RNF138: variants seen among roughly 807,000 people sequenced by gnomAD.
RNF138 encodes the protein ring finger protein 138, also known as E3 ubiquitin-protein ligase RNF138.
RNF138 carries 12 observed loss-of-function variants against 31.0 expected under a neutral mutation model. That is an observed-to-expected ratio of 0.39 (90% CI 0.25 to 0.63). RNF138 has a LOEUF of 0.63. Ranked by LOEUF, RNF138 falls within the 20% of genes least tolerant of loss-of-function variation. RNF138 has a pLI of 0.52. For synonymous variants in RNF138, 105 were observed against 99.5 expected (o/e 1.06, Z -0.33); for missense variants, 192 against 300.1 (o/e 0.64, Z 2.66).
At chr18:32,106,543 T>C (rs1021940681) in intron 2 of RNF138, among the ~76,000 whole-genome samples, 14 of 148,644 alleles carry the variant, frequency 9.4e-5, no homozygotes, top group African/African-American at 3.5e-4. Flanking sequence ...TTATTTTTTA[T>C]TTTATTTTAT....
intron 4 of RNF138, among the ~76,000 whole-genome samples, chr18:32,117,071 T>C (rs993578953): frequency 2.7e-5 from 4 of 150,906 alleles, no homozygotes; most frequent in Admixed American, 6.6e-5. Context: ...CCAACTAATT[T>C]TTGTATTTTT....
intron 4 of RNF138, among the ~76,000 whole-genome samples, chr18:32,120,147 T>C (rs2040280048): frequency 6.6e-6 from 1 of 152,168 alleles, no homozygotes; most frequent in South Asian, 2.1e-4. Context: ...AATACACCTA[T>C]AATATTACAA....
In RNF138 at chr18:32,103,955, A is replaced by G. The variant is rs143919793; in HGVS notation, c.111-7799A>G. 9.5e-3 allele frequency among the ~76,000 whole-genome samples: 1,430 copies of G among 150,052 alleles called. 22 individuals carry two copies. The highest frequency in any genetic ancestry group is 0.033 in the African/African-American group (1,331 of 40,780). On this transcript the variant is annotated intron_variant, in intron 2 of 7. Coordinates refer to ENST00000261593, the MANE Select transcript of RNF138 (RefSeq NM_016271.5). ...ACTCCAGCCTGGGCGACAGAGCAAG[A>G]CTCCGTCTCAGAAAAAAAAAAGAAA...
intron 3 of RNF138, among the ~76,000 whole-genome samples, chr18:32,113,496 G>A (rs1473860957): frequency 6.6e-6 from 1 of 152,154 alleles, no homozygotes; most frequent in Non-Finnish European, 1.5e-5. Flanking sequence ...CTTTTCAAGT[G>A]TGAAGTTATT....
At chr18:32,128,012 A>G (rs904990108) in intron 7 of RNF138, among the ~76,000 whole-genome samples, 1 of 152,192 alleles carries the variant, frequency 6.6e-6, no homozygotes, top group African/African-American at 2.4e-5. Context: ...CCCGGGAGGC[A>G]GAGCTTGCAG....
intron 2 of RNF138, among the ~76,000 whole-genome samples, chr18:32,096,217 T>A (rs1377640731): frequency 6.6e-6 from 1 of 152,222 alleles, no homozygotes; most frequent in Non-Finnish European, 1.5e-5. Context: ...GGGAGCAGCG[T>A]GGTCACATTT....
At chr18:32,097,456 T>C (rs1175509111) in intron 2 of RNF138, among the ~76,000 whole-genome samples, 3 of 152,198 alleles carry the variant, frequency 2.0e-5, no homozygotes, top group Non-Finnish European at 4.4e-5. Flanking sequence ...TCATATTTAC[T>C]TTTTTTAATC....
chr18:32,094,606 A>G (rs4799630), intron 2 of RNF138, among the ~76,000 whole-genome samples: 25,460 of 151,830 alleles, frequency 0.17, 2,221 homozygotes, highest in South Asian at 0.2. Flanking sequence ...CCCATCTGAC[A>G]TGAAAAAAAA....
At position 32,128,885 on chromosome 18, in the gene RNF138, C is replaced by A. The variant is rs537508472; in HGVS notation, c.670-234C>A. ...AAATTTTGTTCTGTGATGATCCTCT[C>A]TGTTTGTTTGTTATTCTTGAACAGT... On this transcript the variant is annotated intron_variant, in intron 7 of 7. Transcript: ENST00000261593. Among the ~76,000 whole-genome samples, 18 of 152,164 alleles carry A rather than the reference C, an allele frequency of 1.2e-4. No homozygotes were observed. The East Asian group carries it at 3.5e-3, about 29-fold the overall frequency.
chr18:32,104,810 A>G (rs1047160569), intron 2 of RNF138, among the ~76,000 whole-genome samples: 8 of 152,188 alleles, frequency 5.3e-5, no homozygotes, highest in African/African-American at 9.6e-5. Context: ...TAAGGTATCA[A>G]TTTTCTCCAC....
intron 3 of RNF138, among the ~76,000 whole-genome samples, chr18:32,112,624 G>A (rs2040150449): frequency 6.6e-6 from 1 of 152,234 alleles, no homozygotes; most frequent in African/African-American, 2.4e-5. Context: ...AGAGGTTGCG[G>A]TGAGCTGAGA....
At chr18:32,125,574 TATCA>T (rs1378909350) in intron 6 of RNF138, among the ~76,000 whole-genome samples, 1 of 152,194 alleles carries the variant, frequency 6.6e-6, no homozygotes, top group African/African-American at 2.4e-5. Context: ...AGGAAAATGT[TATCA>T]ATAAGAACTG....
At chr18:32,097,969 TG>T (rs1191177044) in intron 2 of RNF138, among the ~76,000 whole-genome samples, 7 of 78,810 alleles carry the variant, frequency 8.9e-5, no homozygotes, top group Admixed American at 1.6e-4. Context: ...TGTGTGTGTG[TG>T]TGTGTGTTAT....
chr18:32,103,705 T>G (rs1342663043), intron 2 of RNF138, among the ~76,000 whole-genome samples: 1 of 152,184 alleles, frequency 6.6e-6, no homozygotes, highest in Non-Finnish European at 1.5e-5. Context: ...GGCTCACGCC[T>G]GTAATCCCAG....
intron 2 of RNF138, among the ~76,000 whole-genome samples, chr18:32,094,553 G>A (rs906814896): frequency 5.3e-5 from 8 of 152,114 alleles, no homozygotes; most frequent in African/African-American, 1.9e-4. Context: ...AGGCATGTGT[G>A]AGATATGCCA....
intron 4 of RNF138, among the ~76,000 whole-genome samples, chr18:32,117,621 G>A (rs903431029): frequency 6.6e-6 from 1 of 152,132 alleles, no homozygotes; most frequent in East Asian, 1.9e-4. Context: ...TGGTAAAACA[G>A]ACATTATTTT....
chr18:32,105,109 T>C (rs1202341155), intron 2 of RNF138, among the ~76,000 whole-genome samples: 1 of 152,202 alleles, frequency 6.6e-6, no homozygotes, highest in African/African-American at 2.4e-5. Flanking sequence ...TTTCTCTTTT[T>C]GAGATGGAGT....
rs866821570 is a variant in RNF138 at position 32,130,529 on chromosome 18, T to C, written c.*1342T>C. The C allele has an allele frequency of 6.6e-6, 1 of 152,442 alleles. No homozygotes were observed. Among genetic ancestry groups the C allele is most frequent in the Non-Finnish European group, 1.5e-5 (1 of 67,876 alleles). The allele number at this position is 152,442 out of a possible 1,614,324, so 9.4% of individuals were successfully genotyped here. A position where few individuals can be genotyped will look rare whatever the true frequency, so the allele number is the denominator to read the frequency against. ...GATTTGCTGACATTCCATACTAATA[T>C]ACATTGTTTATGCTTTCTTTAAAAT... On this transcript the variant is annotated 3_prime_UTR_variant, in exon 8 of 8. Coordinates refer to ENST00000261593, the MANE Select transcript of RNF138 (RefSeq NM_016271.5).
At chr18:32,124,107 C>T (rs1345782335) in intron 5 of RNF138, 1 of 152,540 alleles carries the variant, frequency 6.6e-6, no homozygotes, top group Non-Finnish European at 1.5e-5. Flanking sequence ...GGTCAGGTTT[C>T]TTCCACACAC....
Sources: allele counts gnomAD v4.1 joint callset (sites outside exome capture counted in the v4.1 genomes callset), GRCh38; gene constraint gnomAD v4.1.1; transcripts MANE v1.5; gene names NCBI Gene and HGNC (gene_info 2026-07-23, HGNC 2026-07-21).